The following PKHD1L1 variants were observed in gnomAD, a reference collection of about 807,000 sequenced individuals.
PKHD1L1 encodes fibrocystin-L.
PKHD1L1 carries 434 observed loss-of-function variants against 462.9 expected under a neutral mutation model. The observed-to-expected ratio is 0.94, with a 90% CI of 0.87 to 1.02. PKHD1L1 has a LOEUF of 1.02. Ranked by LOEUF, PKHD1L1 falls within the 50% of genes least tolerant of loss-of-function variation. PKHD1L1 has a pLI of 0.00. For missense variants in PKHD1L1, 5,202 were observed against 5,096.1 expected (o/e 1.02, Z -0.63); for synonymous variants, 1,781 against 1,750.0 (o/e 1.02, Z -0.44).
At position 109,536,068 on chromosome 8, in the gene PKHD1L1, A is replaced by T. The variant is rs1212652730; in HGVS notation, c.*5978A>T. On this transcript the variant is annotated 3_prime_UTR_variant, in exon 78 of 78. Transcript: ENST00000378402. ...TGTTTCCCTTTGTTAATATATTGCT[A>T]GTAGACATGTCTACTTCTGGTTGCT... Among the ~76,000 whole-genome samples the T allele has an allele frequency of 6.6e-6, 1 of 152,162 alleles. No individual in the cohort carries two copies. Among genetic ancestry groups the T allele is most frequent in the Non-Finnish European group, 1.5e-5 (1 of 68,016 alleles).
At chr8:109,386,003 T>G (rs1470855638) in intron 6 of PKHD1L1, among the ~76,000 whole-genome samples, 1 of 152,118 alleles carries the variant, frequency 6.6e-6, no homozygotes, top group Non-Finnish European at 1.5e-5. Flanking sequence ...GGCCTAGAGA[T>G]CACAAAGCTT....
chr8:109,523,934 C>G (rs1006115235), intron 76 of PKHD1L1, among the ~76,000 whole-genome samples: 1 of 152,154 alleles, frequency 6.6e-6, no homozygotes, highest in African/African-American at 2.4e-5. Flanking sequence ...AAAGTGTGCA[C>G]AATTAATCTG....
At position 109,530,770 on chromosome 8, in the gene PKHD1L1, C is replaced by G. The variant is rs1222606765; in HGVS notation, c.*680C>G. ...CCAAACTCCTTCTCTGCCTACCCCTCCTTCCCACTCAAAACTGCCACTACT... is the reference window on the plus strand; with the variant it reads ...CCAAACTCCTTCTCTGCCTACCCCTGCTTCCCACTCAAAACTGCCACTACT... On this transcript the variant is annotated 3_prime_UTR_variant, in exon 78 of 78. Transcript: ENST00000378402. Among the ~76,000 whole-genome samples, 5 of 152,104 alleles carry G rather than the reference C, an allele frequency of 3.3e-5. No homozygotes were observed. The highest frequency in any genetic ancestry group is 7.3e-5 in the Non-Finnish European group (5 of 68,030).
rs190724515 is a variant in PKHD1L1 at position 109,535,861 on chromosome 8, G to A, written c.*5771G>A. On this transcript the variant is annotated 3_prime_UTR_variant, in exon 78 of 78. Transcript: ENST00000378402. ...TAGACAAAACTTGGCAACAGATCTT[G>A]GTATGAAATAAATATCCCATGAGTA... is the stretch of plus-strand genomic sequence containing the variant. 6.6e-6 allele frequency among the ~76,000 whole-genome samples: 1 copy of A among 152,238 alleles called. No homozygotes were observed. Among genetic ancestry groups the A allele is most frequent in the Admixed American group, 6.5e-5 (1 of 15,298 alleles).
intron 10 of PKHD1L1, among the ~76,000 whole-genome samples, chr8:109,395,730 T>A (rs994655404): frequency 1.3e-5 from 2 of 152,206 alleles, no homozygotes; most frequent in African/African-American, 4.8e-5. Flanking sequence ...CTACCTGCCT[T>A]CGTGCTCAGC....
chr8:109,510,883 C>T lies in PKHD1L1; in HGVS notation c.11502C>T (p.Gly3834=). The change falls in exon 71 of 78, where the codon GGC becomes GGT. Residue 3834 remains glycine (G), a synonymous_variant. Coordinates refer to ENST00000378402, the MANE Select transcript of PKHD1L1 (RefSeq NM_177531.6). The part of the protein sequence containing the change: ...LNKSYEVYFT[G]TSPQNLRLML... ...AATCTTATGAAGTTTACTTCACTGGCACCAGTCCTCAGAATCTTCGACTGA... is the reference window on the plus strand; with the variant it reads ...AATCTTATGAAGTTTACTTCACTGGTACCAGTCCTCAGAATCTTCGACTGA... The T allele has an allele frequency of 3.7e-6, 6 of 1,613,284 alleles. No individual in the cohort carries two copies. Among genetic ancestry groups the T allele is most frequent in the Non-Finnish European group, 5.1e-6 (6 of 1,179,472 alleles).
chr8:109,458,936 G>A lies in PKHD1L1; in HGVS notation c.7005-659G>A, dbSNP rs151023817. Among the ~76,000 whole-genome samples, 74 of 152,234 alleles carry A rather than the reference G, an allele frequency of 4.9e-4. 1 individual carries two copies. The highest frequency in any genetic ancestry group is 1.7e-3 in the African/African-American group (72 of 41,558). On this transcript the variant is annotated intron_variant, in intron 46 of 77. Transcript: ENST00000378402. ...ATGTTTGTTGAATGACTAAATGCAT[G>A]AATGTGTACATTATAGAACTGGCAA...
In PKHD1L1 at chr8:109,430,001, A is replaced by G; in HGVS notation, c.3193A>G (p.Ile1065Val). 6.2e-7 allele frequency: 1 copy of G among 1,611,762 alleles called. No individual in the cohort carries two copies. Among genetic ancestry groups the G allele is most frequent in the Non-Finnish European group, 8.5e-7 (1 of 1,179,112 alleles). Residue 1065 changes from isoleucine (I) to valine (V), a missense_variant, in exon 27 of 78, where the codon ATT becomes GTT. Coordinates refer to ENST00000378402, the MANE Select transcript of PKHD1L1 (RefSeq NM_177531.6). ...CTGTGGATTTACATGGGATTCCAAC[A>G]TTACTCCCCTAGTCTTGGCGATAAG... ...GDCGFTWDSN[I>V]TPLVLAISPS...
At position 109,445,183 on chromosome 8, in the gene PKHD1L1, T is replaced by C. The variant is rs1362717258; in HGVS notation, c.5314T>C (p.Leu1772=). 2 of 1,613,852 alleles carry C rather than the reference T, an allele frequency of 1.2e-6. No individual in the cohort carries two copies. The highest frequency in any genetic ancestry group is 2.2e-5 in the East Asian group (1 of 44,904). Reference sequence around the variant, plus strand: ...AAAAGTTCTTATTGAAGGAGAAGGTTTGGGGACTGTTTTGGAGGACATTGC... The same window carrying C: ...AAAAGTTCTTATTGAAGGAGAAGGTCTGGGGACTGTTTTGGAGGACATTGC... ...SVKVLIEGEG[L]GTVLEDIAVF... is the part of the protein sequence containing the mutation. The change falls in exon 38 of 78, where the codon TTG becomes CTG. Residue 1772 remains leucine, a synonymous_variant. Transcript: ENST00000378402.
chr8:109,449,224 CTCT>C, intron 39 of PKHD1L1, 111 bp from the exon 40 acceptor site: 1 of 1,037,804 alleles, frequency 9.6e-7, no homozygotes, highest in Non-Finnish European at 1.3e-6. Flanking sequence ...TTCTAAAAAA[CTCT>C]TCATTTAATG....
intron 4 of PKHD1L1, among the ~76,000 whole-genome samples, chr8:109,383,206 T>C (rs1338098807): frequency 1.1e-5 from 1 of 87,568 alleles, no homozygotes; most frequent in Admixed American, 1.8e-4. Context: ...AATTATATAT[T>C]ATATAATATA....
intron 50 of PKHD1L1, among the ~76,000 whole-genome samples, chr8:109,468,179 T>C (rs1817547854): frequency 6.6e-6 from 1 of 152,212 alleles, no homozygotes; most frequent in South Asian, 2.1e-4. Context: ...AAATTACTTA[T>C]GTCAAATCCA....
At chr8:109,389,499 AGTGTGTGTGT>A (rs55680302) in intron 8 of PKHD1L1, among the ~76,000 whole-genome samples, 14,661 of 140,762 alleles carry the variant, frequency 0.1, 978 homozygotes, top group South Asian at 0.16. Context: ...ATCTTTTAAG[AGTGTGTGTGT>A]GTGTGTGTGT....
rs1444171253 is a variant in PKHD1L1, at chr8:109,510,953, A to G, written c.11553+19A>G. ...TAACAAGGTAGGGCAAGATGTCTTA[A>G]GAGTAATTGCTGTTGATTATTTGCA... On this transcript the variant is annotated intron_variant, in intron 71 of 77. Transcript: ENST00000378402. The G allele has an allele frequency of 6.2e-7, 1 of 1,607,994 alleles. No individual in the cohort carries two copies. Among genetic ancestry groups the G allele is most frequent in the Non-Finnish European group, 8.5e-7 (1 of 1,176,488 alleles).
intron 27 of PKHD1L1, among the ~76,000 whole-genome samples, chr8:109,432,477 C>CAT (rs1003846712): frequency 2.6e-5 from 4 of 151,952 alleles, no homozygotes; most frequent in East Asian, 1.9e-4. Context: ...GTAGGGTGAT[C>CAT]ATATATATAT....
intron 76 of PKHD1L1, among the ~76,000 whole-genome samples, chr8:109,526,250 A>G (rs1820808034): frequency 6.6e-6 from 1 of 152,240 alleles, no homozygotes; most frequent in Admixed American, 6.5e-5. Flanking sequence ...ATCTAACTTC[A>G]AACAAATGTG....
intron 34 of PKHD1L1, 85 bp from the exon 35 acceptor site, chr8:109,441,922 C>A (rs941677208): frequency 3.5e-6 from 4 of 1,130,080 alleles, no homozygotes; most frequent in Non-Finnish European, 1.2e-6. Context: ...TCACTACTGA[C>A]TGTATATAAA....
At chr8:109,517,660 G>C (rs997904736) in intron 72 of PKHD1L1, among the ~76,000 whole-genome samples, 5 of 152,090 alleles carry the variant, frequency 3.3e-5, no homozygotes, top group Non-Finnish European at 7.4e-5. Context: ...ATTCTTCTGA[G>C]ATGTTTTAAT....
At chr8:109,487,515 A>T (rs999521635) in intron 59 of PKHD1L1, among the ~76,000 whole-genome samples, 8 of 147,560 alleles carry the variant, frequency 5.4e-5, no homozygotes, top group Non-Finnish European at 1.0e-4. Flanking sequence ...TAAGATCCAC[A>T]TTGCAACTGA....
Sources: gnomAD v4.1 joint callset for allele counts (sites outside exome capture counted in the v4.1 genomes callset) on GRCh38, gnomAD v4.1.1 for gene constraint, MANE v1.5 for transcripts, NCBI Gene and HGNC (gene_info 2026-07-23, HGNC 2026-07-21) for gene names.